The following PLXNA4 variants were observed in gnomAD, a reference collection of about 807,000 sequenced individuals.
PLXNA4 encodes plexin A4.
Under a neutral mutation model 191.8 loss-of-function variants are expected in PLXNA4, and 44 were observed. The observed-to-expected ratio is 0.23, with a 90% CI of 0.18 to 0.29. The LOEUF (loss-of-function observed/expected upper bound fraction) is 0.29, where lower values mean the gene tolerates loss of function less well. Ranked by LOEUF, PLXNA4 falls within the 10% of genes least tolerant of loss-of-function variation. The pLI, the probability that PLXNA4 is intolerant of heterozygous loss-of-function variation, is 1.00. For missense variants in PLXNA4, 1,800 were observed against 2,488.8 expected, an observed-to-expected ratio of 0.72 and a Z score of 5.89; for synonymous variants, 1,082 against 1,009.5, an observed-to-expected ratio of 1.07 and a Z score of -1.36.
chr7:132,418,087 C>G (rs1219816061), intron 3 of PLXNA4, among the ~76,000 whole-genome samples: 1 of 152,204 alleles, frequency 6.6e-6, no homozygotes, highest in African/African-American at 2.4e-5. Context: ...AGCCAACCAA[C>G]CCCAGCTCTT....
At chr7:132,513,978 G>T (rs1029965396) in intron 1 of PLXNA4, among the ~76,000 whole-genome samples, 3 of 148,892 alleles carry the variant, frequency 2.0e-5, no homozygotes, top group South Asian at 2.2e-4. Flanking sequence ...ACCTGGCCAG[G>T]TACTCTTCTT....
At chr7:132,634,042 T>C (rs895392681) in intron 2 of PLXNA4, among the ~76,000 whole-genome samples, 1 of 151,964 alleles carries the variant, frequency 6.6e-6, no homozygotes, top group African/African-American at 2.4e-5. Flanking sequence ...AGACTGGCCC[T>C]GTGGTCTAAG....
At chr7:132,308,579 G>A (rs889240836) in intron 3 of PLXNA4, among the ~76,000 whole-genome samples, 4 of 152,184 alleles carry the variant, frequency 2.6e-5, no homozygotes, top group Non-Finnish European at 4.4e-5. Flanking sequence ...CACTGGCAGC[G>A]CAGGATTTTT....
chr7:132,476,661 C>T (rs1489287027), intron 3 of PLXNA4, among the ~76,000 whole-genome samples: 1 of 152,118 alleles, frequency 6.6e-6, no homozygotes, highest in Non-Finnish European at 1.5e-5. Context: ...TTTTGGAACC[C>T]ATGGTTGGCA....
intron 5 of PLXNA4, among the ~76,000 whole-genome samples, chr7:132,236,776 T>C (rs998671792): frequency 6.6e-5 from 10 of 152,142 alleles, no homozygotes; most frequent in Admixed American, 2.6e-4. Context: ...TCTCCCTTCC[T>C]AGAAAATGGA....
At chr7:132,279,896 C>T (rs1800416454) in intron 4 of PLXNA4, among the ~76,000 whole-genome samples, 1 of 152,154 alleles carries the variant, frequency 6.6e-6, no homozygotes, top group African/African-American at 2.4e-5. Context: ...CAACATATTG[C>T]CAGTTTACAC....
intron 4 of PLXNA4, among the ~76,000 whole-genome samples, chr7:132,249,561 G>T (rs952858780): frequency 6.6e-6 from 1 of 152,168 alleles, no homozygotes; most frequent in African/African-American, 2.4e-5. Flanking sequence ...GCACGTGATC[G>T]TTATTAGCCA....
chr7:132,487,988 T>C (rs1797629036), intron 3 of PLXNA4, among the ~76,000 whole-genome samples: 1 of 152,232 alleles, frequency 6.6e-6, no homozygotes, highest in South Asian at 2.1e-4. Context: ...TGTTTTTTAG[T>C]TGTGACACTG....
intron 2 of PLXNA4, among the ~76,000 whole-genome samples, chr7:132,603,952 G>A (rs1802870196): frequency 6.6e-6 from 1 of 152,142 alleles, no homozygotes; most frequent in South Asian, 2.1e-4. Context: ...GTGCCTTATT[G>A]GGAAAGTTAA....
chr7:132,211,237 C>T (rs1382964072), intron 9 of PLXNA4, 94 bp from the exon 10 acceptor site: 1 of 1,352,892 alleles, frequency 7.4e-7, no homozygotes, highest in Non-Finnish European at 1.0e-6. Flanking sequence ...CTGTCTCCAC[C>T]CTTCCATGGA....
intron 3 of PLXNA4, among the ~76,000 whole-genome samples, chr7:132,427,131 A>G (rs865996444): frequency 6.6e-6 from 1 of 152,228 alleles, no homozygotes; most frequent in Non-Finnish European, 1.5e-5. Flanking sequence ...ACTGGGTAAG[A>G]CACTGCAATG....
intron 4 of PLXNA4, among the ~76,000 whole-genome samples, chr7:132,276,467 G>A (rs1800285099): frequency 6.6e-6 from 1 of 151,888 alleles, no homozygotes; most frequent in Non-Finnish European, 1.5e-5. Flanking sequence ...CTTTCCCTTG[G>A]CGCCCTGCCT....
chr7:132,402,346 G>T (rs907188117), intron 3 of PLXNA4, among the ~76,000 whole-genome samples: 4 of 152,178 alleles, frequency 2.6e-5, no homozygotes, highest in African/African-American at 7.2e-5. Flanking sequence ...GCTATAAAAA[G>T]TAACTTGGGG....
In PLXNA4 at chr7:132,527,672, G is replaced by A. The variant is rs1427277965; in HGVS notation, c.-86-18893C>T. Reference sequence around the variant, plus strand: ...GCCTGCAAAAATCGATGAGGCAACGGACCAATAACCTGTATTCCCAGCTGA... The same window carrying A: ...GCCTGCAAAAATCGATGAGGCAACGAACCAATAACCTGTATTCCCAGCTGA... On this transcript the variant is annotated intron_variant, in intron 1 of 31. Coordinates refer to ENST00000321063, the MANE Select transcript of PLXNA4 (RefSeq NM_020911.2). Among the ~76,000 whole-genome samples, 6 of 152,012 alleles carry A rather than the reference G, an allele frequency of 3.9e-5. 1 individual carries two copies. In the South Asian group the frequency reaches 6.2e-4, roughly 16 times the overall value.
intron 2 of PLXNA4, among the ~76,000 whole-genome samples, chr7:132,586,817 T>G (rs1259881115): frequency 6.6e-6 from 1 of 152,134 alleles, no homozygotes; most frequent in Non-Finnish European, 1.5e-5. Flanking sequence ...TCCTAGCTAC[T>G]CAGGAGGCTG....
intron 2 of PLXNA4, among the ~76,000 whole-genome samples, chr7:132,616,419 G>A (rs1803158179): frequency 6.6e-6 from 1 of 152,106 alleles, no homozygotes; most frequent in Admixed American, 6.5e-5. Flanking sequence ...TGAGGTCAAG[G>A]GCTGCAGGAG....
intron 4 of PLXNA4, among the ~76,000 whole-genome samples, chr7:132,274,589 C>A (rs1271517736): frequency 1.3e-5 from 2 of 152,006 alleles, no homozygotes. Flanking sequence ...TCATTTCTAC[C>A]AAGTCCTCAA....
intron 4 of PLXNA4, among the ~76,000 whole-genome samples, chr7:132,273,646 C>G (rs1800162297): frequency 6.6e-6 from 1 of 152,104 alleles, no homozygotes; most frequent in Non-Finnish European, 1.5e-5. Context: ...TGACTGAGAA[C>G]CTAGGACTCC....
At chr7:132,265,238 G>A (rs1799804855) in intron 4 of PLXNA4, among the ~76,000 whole-genome samples, 1 of 152,194 alleles carries the variant, frequency 6.6e-6, no homozygotes, top group African/African-American at 2.4e-5. Flanking sequence ...GGTCCTGCCT[G>A]ATTGTCCAGG....
Sources: allele counts gnomAD v4.1 joint callset (sites outside exome capture counted in the v4.1 genomes callset), GRCh38; gene constraint gnomAD v4.1.1; transcripts MANE v1.5; gene names NCBI Gene and HGNC (gene_info 2026-07-23, HGNC 2026-07-21).